Variants in CHST11 observed in about 807,000 individuals in gnomAD.
The protein encoded by CHST11 is C4S-1.
In CHST11, 9 loss-of-function variants were observed where a neutral mutation model predicts 30.4. The ratio of observed to expected loss-of-function variants is 0.30; its 90% confidence interval spans 0.18 to 0.52. The LOEUF (loss-of-function observed/expected upper bound fraction) is 0.52. Ranked by LOEUF, CHST11 falls within the 20% of genes least tolerant of loss-of-function variation. The probability of loss-of-function intolerance (pLI) is 0.97; values close to 1 mark genes in which losing one functional copy is unlikely to be tolerated. For missense variants in CHST11, 348 were observed against 460.6 expected, an observed-to-expected ratio of 0.76 and a Z score of 2.24; for synonymous variants, 152 against 187.8, an observed-to-expected ratio of 0.81 and a Z score of 1.56.
At chr12:104,738,300 G>A (rs1187815570) in intron 2 of CHST11, among the ~76,000 whole-genome samples, 2 of 152,252 alleles carry the variant, frequency 1.3e-5, no homozygotes, top group Admixed American at 6.5e-5. Context: ...GCTCTCTGTC[G>A]CCTCAAGGCT....
intron 1 of CHST11, among the ~76,000 whole-genome samples, chr12:104,480,830 T>G (rs2037614915): frequency 6.6e-6 from 1 of 152,196 alleles, no homozygotes; most frequent in South Asian, 2.1e-4. Context: ...TGCCAACATC[T>G]TGATTTTGGA....
chr12:104,532,288 G>A (rs1483382000), intron 1 of CHST11, among the ~76,000 whole-genome samples: 1 of 152,042 alleles, frequency 6.6e-6, no homozygotes, highest in Admixed American at 6.6e-5. Flanking sequence ...TCACTCCAAG[G>A]TCTAGTTCAC....
At chr12:104,536,474 T>C (rs1010334384) in intron 1 of CHST11, among the ~76,000 whole-genome samples, 2 of 152,218 alleles carry the variant, frequency 1.3e-5, no homozygotes, top group African/African-American at 4.8e-5. Context: ...GTCCATATGA[T>C]GTACTTGTGT....
At chr12:104,536,090 A>G (rs948313191) in intron 1 of CHST11, among the ~76,000 whole-genome samples, 3 of 152,236 alleles carry the variant, frequency 2.0e-5, no homozygotes, top group South Asian at 2.1e-4. Context: ...TTTCCATACA[A>G]AAATACAGAC....
At chr12:104,645,930 G>A (rs1003511085) in intron 2 of CHST11, among the ~76,000 whole-genome samples, 13 of 152,140 alleles carry the variant, frequency 8.5e-5, no homozygotes, top group East Asian at 1.9e-4. Context: ...GATCAAGCTC[G>A]TCATCATGGT....
chr12:104,593,593 A>G (rs10861242), intron 1 of CHST11, among the ~76,000 whole-genome samples: 42,900 of 152,030 alleles, frequency 0.28, 6,210 homozygotes, highest in African/African-American at 0.34. Flanking sequence ...CTTGGTCTCT[A>G]TCAGTCCCAA....
chr12:104,720,988 T>C (rs1047338089), intron 2 of CHST11, among the ~76,000 whole-genome samples: 13 of 152,162 alleles, frequency 8.5e-5, no homozygotes, highest in Admixed American at 8.5e-4. Context: ...CAGCGTTTGC[T>C]CCAGGGCCGG....
At chr12:104,614,693 TTGTG>T (rs3039184) in intron 2 of CHST11, among the ~76,000 whole-genome samples, 28 of 148,928 alleles carry the variant, frequency 1.9e-4, no homozygotes, top group African/African-American at 3.7e-4. Flanking sequence ...GCATGCATGC[TTGTG>T]TGTGTGTGTG....
chr12:104,513,139 T>TGGG (rs1565969846), intron 1 of CHST11, among the ~76,000 whole-genome samples: 21 of 2,926 alleles, frequency 7.2e-3, no homozygotes, highest in Non-Finnish European at 0.011. Flanking sequence ...GGGGGGGGGT[T>TGGG]GGGGGTGGGG....
chr12:104,589,437 A>C (rs555099047), intron 1 of CHST11, among the ~76,000 whole-genome samples: 2 of 151,748 alleles, frequency 1.3e-5, no homozygotes, highest in Admixed American at 6.6e-5. Context: ...TCATAGAGAC[A>C]GGAAATAGAA....
chr12:104,551,646 T>A (rs2038405879), intron 1 of CHST11, among the ~76,000 whole-genome samples: 1 of 152,194 alleles, frequency 6.6e-6, no homozygotes, highest in Admixed American at 6.5e-5. Flanking sequence ...GCTGTCAGAT[T>A]CCTCGAAGTG....
intron 2 of CHST11, among the ~76,000 whole-genome samples, chr12:104,697,691 A>G (rs1439056799): frequency 6.6e-6 from 1 of 152,196 alleles, no homozygotes; most frequent in Non-Finnish European, 1.5e-5. Context: ...TGGCCTCTCC[A>G]TTGAAAAAAA....
At chr12:104,654,884 C>G (rs570542857) in intron 2 of CHST11, among the ~76,000 whole-genome samples, 1 of 151,984 alleles carries the variant, frequency 6.6e-6, no homozygotes, top group Admixed American at 6.6e-5. Context: ...CCGCTACCCC[C>G]TCCCCCATCT....
chr12:104,713,539 C>A (rs1339278646), intron 2 of CHST11, among the ~76,000 whole-genome samples: 1 of 152,126 alleles, frequency 6.6e-6, no homozygotes, highest in Non-Finnish European at 1.5e-5. Flanking sequence ...AAGATCTGAA[C>A]AGCTTACTCT....
At chr12:104,718,877 G>A (rs117924349) in intron 2 of CHST11, among the ~76,000 whole-genome samples, 447 of 152,326 alleles carry the variant, frequency 2.9e-3, no homozygotes, top group Admixed American at 3.9e-3. Context: ...AATTAAACAA[G>A]ACAAGGGAGG....
chr12:104,595,399 C>T (rs2038898446), intron 1 of CHST11, among the ~76,000 whole-genome samples: 1 of 152,182 alleles, frequency 6.6e-6, no homozygotes, highest in Non-Finnish European at 1.5e-5. Context: ...ACACCAATTA[C>T]TGTTTCACTG....
chr12:104,734,609 C>T (rs897674193), intron 2 of CHST11, among the ~76,000 whole-genome samples: 2 of 152,162 alleles, frequency 1.3e-5, no homozygotes, highest in African/African-American at 4.8e-5. Flanking sequence ...ATGTTTCTTA[C>T]TTTGCCATGG....
intron 1 of CHST11, among the ~76,000 whole-genome samples, chr12:104,474,633 A>G (rs1392411763): frequency 1.3e-5 from 2 of 152,222 alleles, no homozygotes; most frequent in Admixed American, 1.3e-4. Context: ...TCACAGCAAC[A>G]TTCCTTTTTT....
intron 2 of CHST11, among the ~76,000 whole-genome samples, chr12:104,617,994 C>T (rs988355196): frequency 6.6e-6 from 1 of 151,436 alleles, no homozygotes. Flanking sequence ...CTGCAACCTC[C>T]ACCTCTAGGG....
Sources: allele counts gnomAD v4.1 joint callset (sites outside exome capture counted in the v4.1 genomes callset), GRCh38; gene constraint gnomAD v4.1.1; transcripts MANE v1.5; gene names NCBI Gene and HGNC (gene_info 2026-07-23, HGNC 2026-07-21).